PDE1C: variants seen among roughly 807,000 people sequenced by gnomAD.
PDE1C encodes the protein dual specificity calcium/calmodulin-dependent 3',5'-cyclic nucleotide phosphodiesterase 1C.
A neutral mutation model predicts 93.1 loss-of-function variants in PDE1C; 62 were observed. That is an observed-to-expected ratio of 0.67 (90% CI 0.54 to 0.82). The LOEUF is 0.82. Among genes scored for constraint, PDE1C ranks in the 40% least tolerant of loss-of-function variants. The probability of loss-of-function intolerance (pLI) is 0.00; values close to 1 mark genes in which losing one functional copy is unlikely to be tolerated. For missense variants in PDE1C, 742 were observed against 884.6 expected (o/e 0.84, Z 2.04); for synonymous variants, 325 against 310.1 (o/e 1.05, Z -0.50).
the PDE1C span, among the ~76,000 whole-genome samples, chr7:31,630,260 A>AC: frequency 6.6e-6 from 1 of 151,636 alleles, no homozygotes. Context: ...AAAAAAAAAA[A>AC]AACATTGAAA....
At chr7:32,210,604 C>G (rs888357060) in intron 1 of PDE1C, among the ~76,000 whole-genome samples, 5 of 152,100 alleles carry the variant, frequency 3.3e-5, no homozygotes, top group African/African-American at 1.2e-4. Flanking sequence ...TGCATTTGAG[C>G]AATTTTTTAA....
At chr7:32,323,766 A>T (rs929510940) in intron 1 of PDE1C, among the ~76,000 whole-genome samples, 3 of 152,236 alleles carry the variant, frequency 2.0e-5, no homozygotes, top group Non-Finnish European at 4.4e-5. Context: ...GGACCTGAGG[A>T]TGAAGCAGAA....
the PDE1C span, among the ~76,000 whole-genome samples, chr7:31,653,964 G>A: frequency 6.6e-6 from 1 of 150,646 alleles, no homozygotes; most frequent in Non-Finnish European, 1.5e-5. Context: ...AACACCTACT[G>A]TGTGCAGGCT....
the PDE1C span, among the ~76,000 whole-genome samples, chr7:31,734,817 C>T: frequency 2.4e-4 from 36 of 152,282 alleles, no homozygotes; most frequent in South Asian, 6.9e-3. Context: ...ATAAGTTTTT[C>T]ATATGGCTGC....
the PDE1C span, chr7:31,643,764 C>T: frequency 1.3e-5 from 21 of 1,614,036 alleles, no homozygotes; most frequent in Non-Finnish European, 1.7e-5. Flanking sequence ...TGGGCACCTG[C>T]CATGCTATAC....
chr7:31,938,196 T>G (rs1805347670), intron 2 of PDE1C, among the ~76,000 whole-genome samples: 1 of 151,890 alleles, frequency 6.6e-6, no homozygotes, highest in Non-Finnish European at 1.5e-5. Flanking sequence ...TTTGCAATAA[T>G]GTCATTTTGG....
chr7:32,332,797 C>T (rs1783540872), intron 1 of PDE1C, among the ~76,000 whole-genome samples: 1 of 152,122 alleles, frequency 6.6e-6, no homozygotes, highest in East Asian at 1.9e-4. Flanking sequence ...ATACAGTATT[C>T]TATGATTCAA....
At chr7:32,166,630 G>C (rs554486385) in intron 3 of PDE1C, among the ~76,000 whole-genome samples, 2 of 152,294 alleles carry the variant, frequency 1.3e-5, no homozygotes, top group South Asian at 2.1e-4. Flanking sequence ...AAGAAAGGTG[G>C]TGCCTTCATT....
At chr7:32,040,077 C>T (rs528712464) in intron 2 of PDE1C, among the ~76,000 whole-genome samples, 3 of 152,232 alleles carry the variant, frequency 2.0e-5, no homozygotes, top group South Asian at 4.1e-4. Flanking sequence ...GTATCTAATA[C>T]ACCTATAAAA....
chr7:31,813,059 C>T lies in PDE1C; in HGVS notation c.1813+2865G>A, dbSNP rs150425891. 3.5e-3 allele frequency among the ~76,000 whole-genome samples: 534 copies of T among 152,208 alleles called. 2 individuals are homozygous for T. The highest frequency in any genetic ancestry group is 0.012 in the African/African-American group (508 of 41,544). On this transcript the variant is annotated intron_variant, in intron 15 of 17. Coordinates refer to ENST00000396191, the MANE Select transcript of PDE1C (RefSeq NM_001191057.4). ...TTTAATGTAGATAGAATCTCAAGTA[C>T]AATGTCTGATACATGTTAAGCATTC...
At chr7:32,334,246 C>T (rs1048597272) in intron 1 of PDE1C, among the ~76,000 whole-genome samples, 1 of 151,992 alleles carries the variant, frequency 6.6e-6, no homozygotes, top group South Asian at 2.1e-4. Flanking sequence ...AATAAAGATC[C>T]TTAATTTTTT....
chr7:31,734,389 C>T, the PDE1C span, among the ~76,000 whole-genome samples: 1 of 152,150 alleles, frequency 6.6e-6, no homozygotes, highest in Non-Finnish European at 1.5e-5. Context: ...CTTGGCTCCT[C>T]GTCCGAAGGT....
chr7:32,110,367 A>T (rs1311289890), intron 3 of PDE1C, among the ~76,000 whole-genome samples: 1 of 152,160 alleles, frequency 6.6e-6, no homozygotes, highest in Admixed American at 6.6e-5. Flanking sequence ...AGACTCATTC[A>T]CTATCATGAG....
At chr7:32,280,083 C>T (rs1027714582) in intron 1 of PDE1C, among the ~76,000 whole-genome samples, 1 of 152,094 alleles carries the variant, frequency 6.6e-6, no homozygotes, top group Non-Finnish European at 1.5e-5. Context: ...TTCACTAAAA[C>T]ATCAGAAGTA....
intron 3 of PDE1C, among the ~76,000 whole-genome samples, chr7:32,084,075 T>A (rs1475138119): frequency 1.4e-3 from 211 of 151,964 alleles, no homozygotes; most frequent in African/African-American, 4.5e-3. Flanking sequence ...TAAAGAGTCA[T>A]GACCCATCAG....
chr7:32,093,272 C>T (rs571835013), intron 3 of PDE1C, among the ~76,000 whole-genome samples: 36 of 152,316 alleles, frequency 2.4e-4, no homozygotes, highest in Non-Finnish European at 4.4e-4. Context: ...GAATTTACTG[C>T]AGAGCATTAA....
intron 9 of PDE1C, among the ~76,000 whole-genome samples, chr7:31,840,866 T>C (rs965515720): frequency 1.3e-5 from 2 of 152,264 alleles, no homozygotes; most frequent in African/African-American, 4.8e-5. Flanking sequence ...ACCTTGTTCT[T>C]CATTTAAAAA....
intron 1 of PDE1C, among the ~76,000 whole-genome samples, chr7:32,332,941 C>A (rs1783543215): frequency 6.6e-6 from 1 of 152,078 alleles, no homozygotes; most frequent in Admixed American, 6.6e-5. Context: ...TGTTCTGTTT[C>A]TTAATCTGGC....
chr7:32,316,061 A>G (rs79826434), intron 1 of PDE1C, among the ~76,000 whole-genome samples: 2,610 of 152,302 alleles, frequency 0.017, 82 homozygotes, highest in African/African-American at 0.06. Context: ...AAGCCAGATC[A>G]ATGAATCATC....
Sources: gnomAD v4.1 joint callset for allele counts (sites outside exome capture counted in the v4.1 genomes callset) on GRCh38, gnomAD v4.1.1 for gene constraint, MANE v1.5 for transcripts, NCBI Gene and HGNC (gene_info 2026-07-23, HGNC 2026-07-21) for gene names.